Variants in ANO2 observed in about 807,000 individuals in gnomAD.
ANO2 encodes anoctamin-2.
ANO2 carries 101 observed loss-of-function variants against 124.2 expected under a neutral mutation model. The observed-to-expected ratio is 0.81, with a 90% CI of 0.69 to 0.96. The LOEUF is 0.96. Among genes scored for constraint, ANO2 ranks in the 40% least tolerant of loss-of-function variants. ANO2 has a pLI of 0.00. For synonymous variants in ANO2, 486 were observed against 482.5 expected, an observed-to-expected ratio of 1.01 and a Z score of -0.09; for missense variants, 1,293 against 1,274.5, an observed-to-expected ratio of 1.01 and a Z score of -0.22.
chr12:5,675,432 T>C (rs1455187384), intron 14 of ANO2, among the ~76,000 whole-genome samples: 3 of 152,188 alleles, frequency 2.0e-5, no homozygotes, highest in Non-Finnish European at 2.9e-5. Context: ...TCAGCTTAAA[T>C]CAGGCTCTTA....
intron 9 of ANO2, among the ~76,000 whole-genome samples, chr12:5,804,840 C>T (rs189991881): frequency 7.9e-5 from 12 of 152,166 alleles, no homozygotes; most frequent in Admixed American, 7.9e-4. Context: ...TCCTGGTCTC[C>T]GTAATGATCC....
chr12:5,751,865 A>G (rs1292988931), intron 10 of ANO2, among the ~76,000 whole-genome samples: 3 of 151,902 alleles, frequency 2.0e-5, no homozygotes, highest in East Asian at 3.9e-4. Context: ...GTACCTTTTG[A>G]CCAATATCTC....
Position 5,732,529 on chromosome 12 carries a change from A to G in ANO2, c.1536T>C (p.Cys512=). 1.2e-6 allele frequency: 2 copies of G among 1,612,678 alleles called. No homozygotes were observed. Among genetic ancestry groups the G allele is most frequent in the Non-Finnish European group, 1.7e-6 (2 of 1,179,298 alleles). The change falls in exon 14 of 25, where the codon TGT becomes TGC. Residue 512 remains cysteine, a synonymous_variant. Transcript: ENST00000682330. The part of the protein sequence containing the change: ...VQKLETNTTE[C]GDEDDEDKLT... Reference sequence around the variant, plus strand: ...AAGTCCAGCTTCATACCTCATCGCCACACTCCGTCGTGTTTGTTTCCAATT... The same window carrying G: ...AAGTCCAGCTTCATACCTCATCGCCGCACTCCGTCGTGTTTGTTTCCAATT...
intron 14 of ANO2, among the ~76,000 whole-genome samples, chr12:5,715,945 A>C (rs1950008905): frequency 6.6e-6 from 1 of 152,248 alleles, no homozygotes; most frequent in Admixed American, 6.5e-5. Context: ...AATATTGGGC[A>C]ACTATTGAAA....
intron 14 of ANO2, among the ~76,000 whole-genome samples, chr12:5,681,509 G>T (rs1283674006): frequency 6.6e-6 from 1 of 152,188 alleles, no homozygotes. Context: ...TTGGGGCCAG[G>T]CGTGGAGGAG....
intron 15 of ANO2, among the ~76,000 whole-genome samples, chr12:5,644,443 A>C (rs912799922): frequency 2.0e-5 from 3 of 151,466 alleles, no homozygotes; most frequent in Non-Finnish European, 4.4e-5. Context: ...TTTCTTGACT[A>C]TTCTTAGCCT....
chr12:5,721,817 C>T (rs770209270), intron 14 of ANO2, among the ~76,000 whole-genome samples: 15 of 152,136 alleles, frequency 9.9e-5, no homozygotes, highest in African/African-American at 1.9e-4. Context: ...TTAGGAAGTT[C>T]GTTATGCAGC....
At chr12:5,762,088 T>G (rs1054022662) in intron 10 of ANO2, among the ~76,000 whole-genome samples, 2 of 152,098 alleles carry the variant, frequency 1.3e-5, no homozygotes, top group African/African-American at 4.8e-5. Flanking sequence ...AGAATTTTGT[T>G]TTATGATATG....
At chr12:5,856,999 T>C (rs1356219604) in intron 3 of ANO2, among the ~76,000 whole-genome samples, 1 of 152,188 alleles carries the variant, frequency 6.6e-6, no homozygotes, top group African/African-American at 2.4e-5. Context: ...TGCAATATTG[T>C]TACCTTCTCA....
rs371567412 is a variant in ANO2 at position 5,854,930 on chromosome 12, A to G, written c.535-789T>C. On this transcript the variant is annotated intron_variant, in intron 3 of 24. Transcript: ENST00000682330. Reference sequence around the variant, plus strand: ...GAAGGCACCTCATCTTCAAATAAACATTCACTTTTTTTTTTTTTTCAAAAC... The same window carrying G: ...GAAGGCACCTCATCTTCAAATAAACGTTCACTTTTTTTTTTTTTTCAAAAC... Among the ~76,000 whole-genome samples, 732 of 92,334 alleles carry G rather than the reference A, an allele frequency of 7.9e-3. 11 individuals carry two copies. In the South Asian group the frequency reaches 0.095, roughly 12 times the overall value. The allele number at this position is 92,334 out of a possible 152,430, so 60.6% of individuals were successfully genotyped here. A position where few individuals can be genotyped will look rare whatever the true frequency, so the allele number is the denominator to read the frequency against.
rs1157348051 is a variant in ANO2, at chr12:5,776,726, G to A, written c.1055+22781C>T. ...TTAGCATATTTTAACGTAAGGACTA[G>A]AGAATGAGAAGCTCCTTTGATCTTA... On this transcript the variant is annotated intron_variant, in intron 10 of 24. Transcript: ENST00000682330. Among the ~76,000 whole-genome samples, 3 of 152,238 alleles carry A rather than the reference G, an allele frequency of 2.0e-5. No homozygotes were observed. In the East Asian group the frequency reaches 5.8e-4, roughly 29 times the overall value.
chr12:5,934,018 T>G (rs1716452758), intron 1 of ANO2, among the ~76,000 whole-genome samples: 1 of 152,204 alleles, frequency 6.6e-6, no homozygotes, highest in Admixed American at 6.5e-5. Flanking sequence ...TGAGTGAATT[T>G]TGAAACAGGA....
At chr12:5,613,538 C>G (rs1944649825) in intron 17 of ANO2, among the ~76,000 whole-genome samples, 1 of 152,128 alleles carries the variant, frequency 6.6e-6, no homozygotes, top group African/African-American at 2.4e-5. Context: ...GTCGGGGAAG[C>G]AAAACAGTAA....
chr12:5,877,585 G>C (rs1054201289), intron 3 of ANO2, among the ~76,000 whole-genome samples: 1 of 152,194 alleles, frequency 6.6e-6, no homozygotes, highest in Non-Finnish European at 1.5e-5. Context: ...TCTTGGGCAA[G>C]CTATTTAACT....
intron 7 of ANO2, among the ~76,000 whole-genome samples, chr12:5,814,071 C>T (rs1185419244): frequency 6.6e-6 from 1 of 152,178 alleles, no homozygotes; most frequent in East Asian, 1.9e-4. Flanking sequence ...CTCTGGCTTC[C>T]TACTGCCATC....
rs531741913 is a variant in ANO2, at chr12:5,851,228, G to C, written c.633+2815C>G. 3.2e-4 allele frequency among the ~76,000 whole-genome samples: 49 copies of C among 152,256 alleles called. No homozygotes were observed. In the East Asian group the frequency reaches 8.9e-3, roughly 28 times the overall value. ...TAAGTTCCAAACAGTTAATGTATAG[G>C]GGCACTGAAACTCTGAAAGCCAATA... On this transcript the variant is annotated intron_variant, in intron 4 of 24. Coordinates refer to ENST00000682330, the MANE Select transcript of ANO2 (RefSeq NM_001364791.2).
chr12:5,815,751 T>C (rs1005733675), intron 7 of ANO2, among the ~76,000 whole-genome samples: 4 of 152,210 alleles, frequency 2.6e-5, no homozygotes, highest in Non-Finnish European at 4.4e-5. Flanking sequence ...TTATTTTCTC[T>C]GGTTCTTATT....
intron 1 of ANO2, among the ~76,000 whole-genome samples, chr12:5,944,711 G>GA (rs1456671593): frequency 1.3e-5 from 2 of 152,078 alleles, no homozygotes; most frequent in African/African-American, 4.8e-5. Flanking sequence ...TAAGACACTG[G>GA]AAAAAACTTC....
intron 14 of ANO2, among the ~76,000 whole-genome samples, chr12:5,668,457 A>G (rs1947843052): frequency 6.6e-6 from 1 of 152,042 alleles, no homozygotes; most frequent in Non-Finnish European, 1.5e-5. Context: ...AACCTTTATC[A>G]GATGGATAAA....
Sources: allele counts gnomAD v4.1 joint callset (sites outside exome capture counted in the v4.1 genomes callset), GRCh38; gene constraint gnomAD v4.1.1; transcripts MANE v1.5; gene names NCBI Gene and HGNC (gene_info 2026-07-23, HGNC 2026-07-21).